The following SPSB1 variants were observed in gnomAD, a reference collection of about 807,000 sequenced individuals.
SPSB1 encodes SPRY domain-containing SOCS box protein 1.
Under a neutral mutation model 21.2 loss-of-function variants are expected in SPSB1, and 8 were observed. That is an observed-to-expected ratio of 0.38 (90% CI 0.22 to 0.68). SPSB1 has a LOEUF of 0.68. Ranked by LOEUF, SPSB1 falls within the 30% of genes least tolerant of loss-of-function variation. The pLI is 0.53. For synonymous variants in SPSB1, 169 were observed against 161.7 expected, an observed-to-expected ratio of 1.05 and a Z score of -0.34; for missense variants, 242 against 377.8, an observed-to-expected ratio of 0.64 and a Z score of 2.98.
chr1:9,330,599 A>G (rs1639899473), intron 1 of SPSB1, among the ~76,000 whole-genome samples: 1 of 151,900 alleles, frequency 6.6e-6, no homozygotes. Context: ...ACTTCACCCG[A>G]CACGTTTGGG....
intron 1 of SPSB1, among the ~76,000 whole-genome samples, chr1:9,350,649 C>T (rs1230058771): frequency 6.6e-6 from 1 of 152,186 alleles, no homozygotes; most frequent in African/African-American, 2.4e-5. Context: ...AGCAGGGCCA[C>T]ATCTGTCCTC....
At chr1:9,336,253 G>GT (rs768705952) in intron 1 of SPSB1, among the ~76,000 whole-genome samples, 4 of 151,836 alleles carry the variant, frequency 2.6e-5, no homozygotes, top group Non-Finnish European at 4.4e-5. Flanking sequence ...TTGAGATGGA[G>GT]TTTCACTCTT....
chr1:9,319,804 G>T (rs892765188), intron 1 of SPSB1, among the ~76,000 whole-genome samples: 2 of 152,092 alleles, frequency 1.3e-5, no homozygotes, highest in African/African-American at 4.8e-5. Context: ...GAGCCTTTGA[G>T]TGAGCCCTCA....
rs1449827333 is a variant in SPSB1, at chr1:9,324,690, G to A, written c.-149-31053G>A. Reference sequence around the variant, plus strand: ...ACTTTGTGTGTGGCTCCTGGCAGGAGGCAGCGGCCAGCCAGCATCTCCCGG... The same window carrying A: ...ACTTTGTGTGTGGCTCCTGGCAGGAAGCAGCGGCCAGCCAGCATCTCCCGG... On this transcript the variant is annotated intron_variant, in intron 1 of 2. Coordinates refer to ENST00000328089, the MANE Select transcript of SPSB1 (RefSeq NM_025106.4). This position sits in a 1 kb window ranked among gnomAD's most constrained non-coding sequence, Gnocchi z 4.3. Among the ~76,000 whole-genome samples the A allele has an allele frequency of 1.3e-5, 2 of 152,174 alleles. No homozygotes were observed. Among genetic ancestry groups the A allele is most frequent in the Non-Finnish European group, 2.9e-5 (2 of 68,034 alleles).
intron 1 of SPSB1, among the ~76,000 whole-genome samples, chr1:9,311,724 G>A (rs1639522644): frequency 6.6e-6 from 1 of 152,158 alleles, no homozygotes; most frequent in Non-Finnish European, 1.5e-5. Flanking sequence ...TCTGCCGGGG[G>A]TTGCCGAGTG....
At chr1:9,313,854 G>A (rs1031987446) in intron 1 of SPSB1, among the ~76,000 whole-genome samples, 1 of 152,162 alleles carries the variant, frequency 6.6e-6, no homozygotes, top group African/African-American at 2.4e-5. Context: ...TGGGGATCTC[G>A]AATCTCCTGC....
intron 1 of SPSB1, among the ~76,000 whole-genome samples, chr1:9,306,293 G>A (rs932100228): frequency 3.9e-5 from 6 of 152,240 alleles, no homozygotes; most frequent in Non-Finnish European, 7.3e-5. Context: ...CTGCTCTGTG[G>A]TTTCCACCAC....
At chr1:9,331,321 G>GTT (rs34199175) in intron 1 of SPSB1, among the ~76,000 whole-genome samples, 2,478 of 53,690 alleles carry the variant, frequency 0.046, 680 homozygotes, top group African/African-American at 0.087. Context: ...TGGTGCTCTT[G>GTT]TTTTTTTTTT....
intron 1 of SPSB1, among the ~76,000 whole-genome samples, chr1:9,319,179 TCA>T (rs1491465268): frequency 6.6e-6 from 1 of 151,672 alleles, no homozygotes; most frequent in Non-Finnish European, 1.5e-5. Flanking sequence ...AGACTCCATC[TCA>T]AAAAAAACAA....
At chr1:9,299,987 C>G (rs552574221) in intron 1 of SPSB1, among the ~76,000 whole-genome samples, 1 of 147,506 alleles carries the variant, frequency 6.8e-6, no homozygotes, top group Admixed American at 6.7e-5. Flanking sequence ...AAAAAAGGGT[C>G]TCATGCTGGT....
intron 1 of SPSB1, among the ~76,000 whole-genome samples, chr1:9,314,596 GA>G (rs1002636334): frequency 4.6e-5 from 7 of 152,310 alleles, no homozygotes; most frequent in African/African-American, 7.2e-5. Flanking sequence ...ATCACACAAA[GA>G]ATTGCAGAAA....
intron 2 of SPSB1, among the ~76,000 whole-genome samples, chr1:9,362,223 G>T (rs1293230601): frequency 1.3e-5 from 2 of 152,068 alleles, no homozygotes; most frequent in East Asian, 3.9e-4. Context: ...GTCGGGGAGG[G>T]GTTGTCCCAG....
chr1:9,355,849 G>C lies in SPSB1; in HGVS notation c.-43G>C, dbSNP rs1453756610. The C allele has an allele frequency of 6.6e-7, 1 of 1,518,026 alleles. No individual in the cohort carries two copies. The highest frequency in any genetic ancestry group is 8.8e-7 in the Non-Finnish European group (1 of 1,132,620). The allele number at this position is 1,518,026 out of a possible 1,614,324, so 94.0% of individuals were successfully genotyped here. On this transcript the variant is annotated 5_prime_UTR_variant, in exon 2 of 3. Transcript: ENST00000328089. ...GGAGACGAGACCACGAGATTGATGAGTTTGCCTTGGGAGTCGGTAAGAAGG... is the reference window on the plus strand; with the variant it reads ...GGAGACGAGACCACGAGATTGATGACTTTGCCTTGGGAGTCGGTAAGAAGG...
At chr1:9,354,162 G>A (rs1640322495) in intron 1 of SPSB1, among the ~76,000 whole-genome samples, 2 of 152,142 alleles carry the variant, frequency 1.3e-5, no homozygotes, top group African/African-American at 4.8e-5. Flanking sequence ...CCATACTGAA[G>A]GGGGAGGCCA....
In SPSB1 at chr1:9,293,519, G is replaced by A. The variant is rs994909698; in HGVS notation, c.-150+448G>A. On this transcript the variant is annotated intron_variant, in intron 1 of 2. Transcript: ENST00000328089. The surrounding 1 kb of genome is among the most constrained non-coding windows in gnomAD (Gnocchi z 5.1). The stretch of plus-strand genomic sequence containing the variant: ...CGCTTTTCCCGCCAGTCCGAGTCGG[G>A]ATTGGCGGCGCGGCCCGGTCCCCCG... Among the ~76,000 whole-genome samples, 1 of 151,822 alleles carries A rather than the reference G, an allele frequency of 6.6e-6. No homozygotes were observed. The highest frequency in any genetic ancestry group is 1.5e-5 in the Non-Finnish European group (1 of 67,900).
chr1:9,360,424 C>G (rs1640449701), intron 2 of SPSB1, among the ~76,000 whole-genome samples: 1 of 152,140 alleles, frequency 6.6e-6, no homozygotes, highest in Non-Finnish European at 1.5e-5. Flanking sequence ...GGAAGACAGA[C>G]AGGGTATTCG....
intron 1 of SPSB1, among the ~76,000 whole-genome samples, chr1:9,303,009 T>C (rs1639359813): frequency 6.6e-6 from 1 of 152,178 alleles, no homozygotes; most frequent in African/African-American, 2.4e-5. Context: ...AGTGATTCCA[T>C]TGAACGGGGG....
In SPSB1 at chr1:9,348,791, C is replaced by T. The variant is rs1403313805; in HGVS notation, c.-149-6952C>T. Among the ~76,000 whole-genome samples the T allele has an allele frequency of 6.6e-6, 1 of 152,100 alleles. No homozygotes were observed. Among genetic ancestry groups the T allele is most frequent in the African/African-American group, 2.4e-5 (1 of 41,390 alleles). On this transcript the variant is annotated intron_variant, in intron 1 of 2. Coordinates refer to ENST00000328089, the MANE Select transcript of SPSB1 (RefSeq NM_025106.4). This position sits in a 1 kb window ranked among gnomAD's most constrained non-coding sequence, Gnocchi z 4.8. ...GCTCATCTGCTTAGAGCCCAGGCTG[C>T]CACCGAGAAATCCAGTAGGGTCACG...
chr1:9,337,494 G>A (rs12044258), intron 1 of SPSB1, among the ~76,000 whole-genome samples: 39,830 of 151,972 alleles, frequency 0.26, 6,164 homozygotes, highest in East Asian at 0.47. Context: ...GCCCTCTTTG[G>A]GGGGATGGGA....
Sources: gnomAD v4.1 joint callset for allele counts (sites outside exome capture counted in the v4.1 genomes callset) on GRCh38, gnomAD v4.1.1 for gene constraint, Gnocchi (gnomAD v3.1) non-coding constraint, MANE v1.5 for transcripts, NCBI Gene and HGNC (gene_info 2026-07-23, HGNC 2026-07-21) for gene names.